Variants in WDR27 observed in about 807,000 individuals in gnomAD.
The protein encoded by WDR27 is WD repeat-containing protein 27.
A neutral mutation model predicts 114.4 loss-of-function variants in WDR27; 100 were observed. That is an observed-to-expected ratio of 0.87 (90% CI 0.74 to 1.03). The LOEUF (loss-of-function observed/expected upper bound fraction) is 1.03, where lower values mean the gene tolerates loss of function less well. Among genes scored for constraint, WDR27 ranks in the 50% least tolerant of loss-of-function variants. WDR27 has a pLI of 0.00. For synonymous variants in WDR27, 449 were observed against 423.1 expected (o/e 1.06, Z -0.75); for missense variants, 1,129 against 1,092.9 (o/e 1.03, Z -0.47).
In WDR27 at chr6:169,602,212, TA is replaced by T; in HGVS notation, c.2424+6del. The T allele has an allele frequency of 6.5e-7, 1 of 1,545,258 alleles. No homozygotes were observed. Among genetic ancestry groups the T allele is most frequent in the Non-Finnish European group, 8.8e-7 (1 of 1,140,610 alleles). On this transcript the variant is annotated splice_donor_region_variant and intron_variant, in intron 23 of 25. Coordinates refer to ENST00000448612, the MANE Select transcript of WDR27 (RefSeq NM_182552.5). The stretch of plus-strand genomic sequence containing the variant: ...TCTACATTTATAGACAGTCAAACAG[TA>T]CATACGTGTCTGTCCTCGGCCCCAC...
intron 25 of WDR27, among the ~76,000 whole-genome samples, chr6:169,570,647 A>T (rs1342525978): frequency 2.0e-5 from 3 of 152,120 alleles, no homozygotes; most frequent in African/African-American, 7.2e-5. Context: ...TGGCCAACAT[A>T]GTGAAACCTC....
intron 25 of WDR27, among the ~76,000 whole-genome samples, chr6:169,508,138 A>G (rs1298716598): frequency 2.6e-5 from 4 of 152,222 alleles, no homozygotes; most frequent in African/African-American, 7.2e-5. Flanking sequence ...GGACTCCAGA[A>G]GCATCTATAT....
At chr6:169,662,896 A>C (rs1826702285) in intron 8 of WDR27, among the ~76,000 whole-genome samples, 1 of 142,434 alleles carries the variant, frequency 7.0e-6, no homozygotes, top group African/African-American at 2.6e-5. Flanking sequence ...GAAAGCACTA[A>C]GGTAACACCC....
intron 23 of WDR27, among the ~76,000 whole-genome samples, chr6:169,584,669 CT>C (rs1215579332): frequency 6.6e-6 from 1 of 152,124 alleles, no homozygotes; most frequent in East Asian, 1.9e-4. Flanking sequence ...TGTGGAGCAC[CT>C]TTTCGTATAG....
At chr6:169,615,335 C>CCT (rs554493252) in intron 21 of WDR27, among the ~76,000 whole-genome samples, 42 of 152,174 alleles carry the variant, frequency 2.8e-4, no homozygotes, top group African/African-American at 8.4e-4. Flanking sequence ...CGATACTTAG[C>CCT]CTGCTACCAA....
intron 25 of WDR27, among the ~76,000 whole-genome samples, chr6:169,517,268 C>A (rs1351635540): frequency 6.6e-6 from 1 of 152,142 alleles, no homozygotes; most frequent in African/African-American, 2.4e-5. Flanking sequence ...CTGAGGCCTC[C>A]CCAGAAGCTG....
chr6:169,426,978 G>GGAC, the WDR27 span: 1 of 144,714 alleles, frequency 6.9e-6, no homozygotes, highest in Admixed American at 6.8e-5. Context: ...GGCAGTGGGG[G>GGAC]GGGGGTGGCG....
At chr6:169,473,309 G>C (rs1485782508) in intron 25 of WDR27, among the ~76,000 whole-genome samples, 1 of 152,186 alleles carries the variant, frequency 6.6e-6, no homozygotes, top group Non-Finnish European at 1.5e-5. Context: ...GGAGACTGAA[G>C]AGTGACAAAA....
At chr6:169,551,588 T>G (rs139682380) in intron 25 of WDR27, among the ~76,000 whole-genome samples, 1 of 151,606 alleles carries the variant, frequency 6.6e-6, no homozygotes, top group East Asian at 1.9e-4. Context: ...TACAAAAAAA[T>G]TAGCTGGGCA....
intron 23 of WDR27, among the ~76,000 whole-genome samples, chr6:169,587,218 T>TTC (rs1554299612): frequency 1.2e-4 from 16 of 130,566 alleles, no homozygotes; most frequent in African/African-American, 4.8e-4. Flanking sequence ...GATTTTCTTT[T>TTC]TTTTTTTTTT....
At chr6:169,600,540 C>T (rs1049075242) in intron 23 of WDR27, among the ~76,000 whole-genome samples, 1 of 152,010 alleles carries the variant, frequency 6.6e-6, no homozygotes, top group South Asian at 2.1e-4. Context: ...AGTTCGAACC[C>T]ATGGCAAAGA....
At chr6:169,636,241 AAG>A in intron 19 of WDR27, 128 bp downstream of exon 19, 1 of 1,100,070 alleles carries the variant, frequency 9.1e-7, no homozygotes, top group Non-Finnish European at 1.3e-6. Context: ...CCCTCTCATC[AAG>A]AGTTTGGTGA....
chr6:169,445,839 G>A, the WDR27 span, among the ~76,000 whole-genome samples: 1 of 152,364 alleles, frequency 6.6e-6, no homozygotes, highest in South Asian at 2.1e-4. Flanking sequence ...AAGGAATCCG[G>A]CAATAGCCGG....
At chr6:169,546,160 T>TCA (rs926278592) in intron 25 of WDR27, among the ~76,000 whole-genome samples, 2 of 152,102 alleles carry the variant, frequency 1.3e-5, no homozygotes, top group African/African-American at 4.8e-5. Flanking sequence ...AATGAATCAC[T>TCA]CACACACACT....
chr6:169,545,749 G>T (rs1797380781), intron 25 of WDR27, among the ~76,000 whole-genome samples: 1 of 152,064 alleles, frequency 6.6e-6, no homozygotes. Flanking sequence ...GCAAGTTACA[G>T]AATTGGAGAA....
chr6:169,649,143 T>C, intron 15 of WDR27, 55 bp downstream of exon 15: 4 of 1,446,358 alleles, frequency 2.8e-6, no homozygotes, highest in East Asian at 2.5e-5. Flanking sequence ...AGTTAAAGTG[T>C]TGGAAAGGTC....
At chr6:169,635,414 G>T (rs980726517) in intron 19 of WDR27, among the ~76,000 whole-genome samples, 2 of 152,140 alleles carry the variant, frequency 1.3e-5, no homozygotes, top group African/African-American at 4.8e-5. Context: ...AAAGTCCCAG[G>T]CACCTCTGAA....
At chr6:169,665,685 A>C in intron 6 of WDR27, 129 bp from the exon 7 acceptor site, 1 of 885,810 alleles carries the variant, frequency 1.1e-6, no homozygotes, top group Non-Finnish European at 1.7e-6. Flanking sequence ...TCAAGTTTGA[A>C]CTATTCCAAA....
chr6:169,660,863 G>A, intron 9 of WDR27, 97 bp from the exon 10 acceptor site: 1 of 1,003,750 alleles, frequency 1.0e-6, no homozygotes, highest in Non-Finnish European at 1.4e-6. Flanking sequence ...GCTCTCCGCA[G>A]GAGTGGGGAG....
Sources: allele counts gnomAD v4.1 joint callset (sites outside exome capture counted in the v4.1 genomes callset), GRCh38; gene constraint gnomAD v4.1.1; transcripts MANE v1.5; gene names NCBI Gene and HGNC (gene_info 2026-07-23, HGNC 2026-07-21).